Variants in CCSER1 observed in about 807,000 individuals in gnomAD.
CCSER1 encodes coiled-coil serine rich protein 1, also known as serine-rich coiled-coil domain-containing protein 1.
In CCSER1, 41 loss-of-function variants were observed where a neutral mutation model predicts 82.0. That is an observed-to-expected ratio of 0.50 (90% CI 0.39 to 0.65). CCSER1 has a LOEUF of 0.65. Ranked by LOEUF, CCSER1 falls within the 30% of genes least tolerant of loss-of-function variation. The pLI is 0.00. For missense variants in CCSER1, 1,119 were observed against 1,064.2 expected, an observed-to-expected ratio of 1.05 and a Z score of -0.72; for synonymous variants, 414 against 383.9, an observed-to-expected ratio of 1.08 and a Z score of -0.92.
intron 7 of CCSER1, among the ~76,000 whole-genome samples, chr4:90,741,737 A>G (rs1746593051): frequency 6.6e-6 from 1 of 152,186 alleles, no homozygotes; most frequent in African/African-American, 2.4e-5. Context: ...TTTTAAAATA[A>G]GAAGTTAGTA....
chr4:91,174,231 CCTT>C (rs1314194682), intron 10 of CCSER1, among the ~76,000 whole-genome samples: 3 of 151,986 alleles, frequency 2.0e-5, no homozygotes, highest in Non-Finnish European at 4.4e-5. Context: ...TCTTTTCTTT[CCTT>C]CTTATTTTTT....
At chr4:91,207,946 T>C (rs952968814) in intron 10 of CCSER1, among the ~76,000 whole-genome samples, 2 of 152,150 alleles carry the variant, frequency 1.3e-5, no homozygotes, top group African/African-American at 4.8e-5. Context: ...TGGTATGTCA[T>C]TGTGGTTTTG....
In CCSER1 at chr4:90,845,276, C is replaced by T. The variant is rs531596858; in HGVS notation, c.2094+29431C>T. Among the ~76,000 whole-genome samples the T allele has an allele frequency of 4.0e-5, 6 of 150,208 alleles. No individual in the cohort carries two copies. The South Asian group carries it at 1.3e-3, about 31-fold the overall frequency. On this transcript the variant is annotated intron_variant, in intron 8 of 10. Coordinates refer to ENST00000509176, the MANE Select transcript of CCSER1 (RefSeq NM_001145065.2). ...ACTAGGGCGGCTAAGACAGAAAAAT[C>T]GCTAGAACCTGGGAGGCAGAGGTTG... is the stretch of plus-strand genomic sequence containing the variant.
At chr4:91,522,441 T>C (rs1760528645) in intron 10 of CCSER1, among the ~76,000 whole-genome samples, 1 of 152,226 alleles carries the variant, frequency 6.6e-6, no homozygotes, top group Non-Finnish European at 1.5e-5. Flanking sequence ...GGGATGGCAC[T>C]GAATCTATAA....
At chr4:90,779,874 A>C (rs963753367) in intron 7 of CCSER1, among the ~76,000 whole-genome samples, 1 of 152,198 alleles carries the variant, frequency 6.6e-6, no homozygotes, top group Non-Finnish European at 1.5e-5. Context: ...TTGCCTTCCA[A>C]CAACTCTGAA....
chr4:90,477,341 T>A (rs1056878023), intron 5 of CCSER1, among the ~76,000 whole-genome samples: 4 of 152,188 alleles, frequency 2.6e-5, no homozygotes, highest in Non-Finnish European at 4.4e-5. Context: ...CTACTGTTAT[T>A]GAAGTCAAGT....
chr4:90,948,933 T>C (rs1195383338), intron 9 of CCSER1, among the ~76,000 whole-genome samples: 1 of 152,070 alleles, frequency 6.6e-6, no homozygotes, highest in Non-Finnish European at 1.5e-5. Context: ...TAGCAGGATA[T>C]GTAGGCATAA....
At chr4:91,384,305 C>T (rs1366587210) in intron 10 of CCSER1, among the ~76,000 whole-genome samples, 1 of 151,878 alleles carries the variant, frequency 6.6e-6, no homozygotes, top group Non-Finnish European at 1.5e-5. Context: ...AATAAGTTTA[C>T]ATTTTAGAAA....
At chr4:90,574,807 C>A (rs1050072234) in intron 5 of CCSER1, among the ~76,000 whole-genome samples, 1 of 151,664 alleles carries the variant, frequency 6.6e-6, no homozygotes, top group Non-Finnish European at 1.5e-5. Context: ...TTCCAGCAAA[C>A]GACAGCTACA....
chr4:91,075,632 A>C (rs1721913608), intron 9 of CCSER1, among the ~76,000 whole-genome samples: 1 of 152,096 alleles, frequency 6.6e-6, no homozygotes, highest in Non-Finnish European at 1.5e-5. Flanking sequence ...ATAGAACTAA[A>C]ACATATTCTT....
intron 10 of CCSER1, among the ~76,000 whole-genome samples, chr4:91,560,674 A>G (rs1432549443): frequency 6.6e-6 from 1 of 151,476 alleles, no homozygotes; most frequent in Non-Finnish European, 1.5e-5. Flanking sequence ...CCGAATTAAC[A>G]ATTGCTTAAC....
intron 9 of CCSER1, among the ~76,000 whole-genome samples, chr4:90,991,997 C>T (rs1737074029): frequency 6.6e-6 from 1 of 152,162 alleles, no homozygotes; most frequent in Admixed American, 6.6e-5. Context: ...TTTTATTGCA[C>T]TCCAGAGTAT....
At chr4:91,031,297 A>G (rs945135842) in intron 9 of CCSER1, among the ~76,000 whole-genome samples, 2 of 152,160 alleles carry the variant, frequency 1.3e-5, no homozygotes, top group South Asian at 2.1e-4. Flanking sequence ...TTCTTCTGAT[A>G]CAATGCCTGG....
At chr4:90,389,804 T>A (rs1184384413) in intron 3 of CCSER1, among the ~76,000 whole-genome samples, 1 of 152,178 alleles carries the variant, frequency 6.6e-6, no homozygotes, top group Admixed American at 6.5e-5. Context: ...TAAAAACAAG[T>A]ATTTTTTAAT....
intron 7 of CCSER1, among the ~76,000 whole-genome samples, chr4:90,725,747 G>A (rs1743516486): frequency 6.6e-6 from 1 of 151,578 alleles, no homozygotes; most frequent in Non-Finnish European, 1.5e-5. Flanking sequence ...ACAGTATAAA[G>A]CATTGTAATT....
chr4:90,654,311 T>A (rs2149061869), intron 6 of CCSER1, among the ~76,000 whole-genome samples: 1 of 152,292 alleles, frequency 6.6e-6, no homozygotes, highest in South Asian at 2.1e-4. Context: ...ATATACTTTA[T>A]AATTTTTCAT....
At chr4:91,335,448 G>A (rs1042817598) in intron 10 of CCSER1, among the ~76,000 whole-genome samples, 4 of 151,954 alleles carry the variant, frequency 2.6e-5, no homozygotes, top group Admixed American at 1.3e-4. Context: ...GACTGAGCAG[G>A]GTTTTACTGA....
intron 10 of CCSER1, among the ~76,000 whole-genome samples, chr4:91,244,429 A>T (rs1739606676): frequency 6.6e-6 from 1 of 152,210 alleles, no homozygotes; most frequent in African/African-American, 2.4e-5. Context: ...TGGTGGTCAC[A>T]GGGGTGCTTG....
intron 1 of CCSER1, among the ~76,000 whole-genome samples, chr4:90,157,443 C>G (rs1282969489): frequency 3.8e-5 from 3 of 78,884 alleles, no homozygotes; most frequent in African/African-American, 8.9e-5. Flanking sequence ...TGGGGAAGTT[C>G]TCCTGGATAA....
Sources: allele counts gnomAD v4.1 joint callset (sites outside exome capture counted in the v4.1 genomes callset), GRCh38; gene constraint gnomAD v4.1.1; transcripts MANE v1.5; gene names NCBI Gene and HGNC (gene_info 2026-07-23, HGNC 2026-07-21).